The following P2RX7 variants were observed in gnomAD, a reference collection of about 807,000 sequenced individuals.
The protein encoded by P2RX7 is P2X purinoceptor 7.
Under a neutral mutation model 71.6 loss-of-function variants are expected in P2RX7, and 62 were observed. The ratio of observed to expected loss-of-function variants is 0.87; its 90% CI spans 0.71 to 1.07. P2RX7 has a LOEUF of 1.07. Among genes scored for constraint, P2RX7 ranks in the 50% least tolerant of loss-of-function variants. P2RX7 has a pLI of 0.00. For missense variants in P2RX7, 686 were observed against 748.5 expected (o/e 0.92, Z 0.97); for synonymous variants, 299 against 283.3 (o/e 1.06, Z -0.56).
intron 8 of P2RX7, among the ~76,000 whole-genome samples, chr12:121,174,427 G>A (rs1882744150): frequency 6.6e-6 from 1 of 152,098 alleles, no homozygotes. Flanking sequence ...AGGCTGAGGT[G>A]GGAGTATCAC....
intron 12 of P2RX7, among the ~76,000 whole-genome samples, chr12:121,182,035 G>A (rs1032819486): frequency 1.3e-5 from 2 of 148,466 alleles, no homozygotes; most frequent in Admixed American, 1.3e-4. Context: ...CTGCACTCTA[G>A]CCTGGGCAAC....
intron 4 of P2RX7, 103 bp downstream of exon 4, chr12:121,161,077 C>T: frequency 3.5e-6 from 3 of 859,394 alleles, no homozygotes; most frequent in Admixed American, 1.7e-5. Flanking sequence ...CTCTCAGCTG[C>T]CCTCTTCCAC....
chr12:121,157,091 G>A (rs78906567), intron 3 of P2RX7, among the ~76,000 whole-genome samples: 5,672 of 152,214 alleles, frequency 0.037, 152 homozygotes, highest in South Asian at 0.089. Context: ...CTATACCAGC[G>A]TGTTACTGCT....
At chr12:121,144,754 G>A (rs1463666121) in intron 1 of P2RX7, among the ~76,000 whole-genome samples, 1 of 152,164 alleles carries the variant, frequency 6.6e-6, no homozygotes, top group Non-Finnish European at 1.5e-5. Context: ...TAGAGGCAGA[G>A]GAGAGAAGTA....
chr12:121,160,137 TCTTC>T (rs747004833), intron 3 of P2RX7, among the ~76,000 whole-genome samples: 3 of 151,636 alleles, frequency 2.0e-5, no homozygotes, highest in East Asian at 1.9e-4. Flanking sequence ...TTTCTTTCTT[TCTTC>T]CTTCCTTCCT....
At chr12:121,160,443 C>T (rs571254185) in intron 3 of P2RX7, among the ~76,000 whole-genome samples, 1 of 152,266 alleles carries the variant, frequency 6.6e-6, no homozygotes, top group East Asian at 1.9e-4. Flanking sequence ...AGCCACGGCG[C>T]CCAGCCCCCA....
chr12:121,184,371 C>T lies in P2RX7; in HGVS notation c.1357C>T (p.Pro453Ser). The change falls in exon 13 of 13, where the codon CCT becomes TCT. Residue 453 changes from proline (P) to serine (S), a missense_variant. By Grantham distance (74) the Pro-to-Ser change is moderately conservative (BLOSUM62 -1). Coordinates refer to ENST00000328963, the MANE Select transcript of P2RX7 (RefSeq NM_002562.6). ...GGCCCTCCATGACACACCCCCGATT[C>T]CTGGACAACCAGAGGAGATACAGCT... ...PLALHDTPPI[P>S]GQPEEIQLLR... 3.1e-6 allele frequency: 5 copies of T among 1,614,128 alleles called. No individual in the cohort carries two copies. The highest frequency in any genetic ancestry group is 3.4e-6 in the Non-Finnish European group (4 of 1,180,038).
intron 4 of P2RX7, among the ~76,000 whole-genome samples, chr12:121,161,431 TTATTTA>T (rs1276554591): frequency 6.6e-6 from 1 of 152,186 alleles, no homozygotes; most frequent in Non-Finnish European, 1.5e-5. Context: ...GATTTTGATT[TTATTTA>T]TATCTAAGTG....
chr12:121,153,609 C>T (rs1482834203), intron 1 of P2RX7, among the ~76,000 whole-genome samples: 1 of 151,880 alleles, frequency 6.6e-6, no homozygotes, highest in Non-Finnish European at 1.5e-5. Flanking sequence ...ACCCGGCAGG[C>T]AGAAGTTGCA....
At chr12:121,174,375 C>T (rs563604962) in intron 8 of P2RX7, among the ~76,000 whole-genome samples, 2 of 152,076 alleles carry the variant, frequency 1.3e-5, no homozygotes, top group South Asian at 2.1e-4. Flanking sequence ...AAATTAGCCA[C>T]CTGTAGTGGT....
At chr12:121,158,895 A>G (rs1405264853) in intron 3 of P2RX7, among the ~76,000 whole-genome samples, 1 of 152,192 alleles carries the variant, frequency 6.6e-6, no homozygotes, top group Non-Finnish European at 1.5e-5. Context: ...ACTATTTGCC[A>G]GGCACTTGGG....
chr12:121,139,756 A>G (rs1420712327), intron 1 of P2RX7, among the ~76,000 whole-genome samples: 1 of 112,796 alleles, frequency 8.9e-6, no homozygotes, highest in Non-Finnish European at 1.7e-5. Flanking sequence ...TTTTTTTGAG[A>G]CAGAGTCTCC....
At position 121,175,375 on chromosome 12, in the gene P2RX7, T is replaced by C; in HGVS notation, c.882-13T>C. ...AAGGGATCTTACAAATACAGATCCT[T>C]TTCTTCCTACAGATACGCCAAGTAC... On this transcript the variant is annotated splice_polypyrimidine_tract_variant and intron_variant, in intron 8 of 12. Coordinates refer to ENST00000328963, the MANE Select transcript of P2RX7 (RefSeq NM_002562.6). 2 of 1,575,552 alleles carry C rather than the reference T, an allele frequency of 1.3e-6. No homozygotes were observed. Among genetic ancestry groups the C allele is most frequent in the Non-Finnish European group, 1.7e-6 (2 of 1,147,318 alleles).
At chr12:121,140,111 C>CTAGA (rs1284863030) in intron 1 of P2RX7, among the ~76,000 whole-genome samples, 1 of 152,148 alleles carries the variant, frequency 6.6e-6, no homozygotes, top group African/African-American at 2.4e-5. Flanking sequence ...GGGTGATGTG[C>CTAGA]TAGAGCTTGA....
At chr12:121,135,235 A>G (rs1389685689) in intron 1 of P2RX7, among the ~76,000 whole-genome samples, 3 of 152,120 alleles carry the variant, frequency 2.0e-5, no homozygotes, top group Non-Finnish European at 2.9e-5. Context: ...GCTACTAGGG[A>G]GGCTGAGGCA....
intron 1 of P2RX7, among the ~76,000 whole-genome samples, chr12:121,136,972 T>C (rs1376221852): frequency 1.3e-5 from 2 of 152,172 alleles, no homozygotes; most frequent in African/African-American, 4.8e-5. Flanking sequence ...GATTATTGTA[T>C]AATAATAAAA....
intron 8 of P2RX7, among the ~76,000 whole-genome samples, chr12:121,169,917 C>T (rs1881833631): frequency 6.6e-6 from 1 of 152,040 alleles, no homozygotes; most frequent in Admixed American, 6.6e-5. Context: ...TACATGGTGG[C>T]CACTGGCTGG....
intron 5 of P2RX7, among the ~76,000 whole-genome samples, chr12:121,162,910 G>A (rs2567981): frequency 1.2e-4 from 19 of 152,006 alleles, no homozygotes; most frequent in Non-Finnish European, 2.5e-4. Flanking sequence ...GGAGATGGAA[G>A]GGAAGGACGA....
chr12:121,183,195 T>C (rs1884417533), intron 12 of P2RX7, among the ~76,000 whole-genome samples: 1 of 148,500 alleles, frequency 6.7e-6, no homozygotes, highest in Admixed American at 6.7e-5. Flanking sequence ...AAAAATTCTT[T>C]CTCTATATCC....
Sources: gnomAD v4.1 joint callset for allele counts (sites outside exome capture counted in the v4.1 genomes callset) on GRCh38, gnomAD v4.1.1 for gene constraint, MANE v1.5 for transcripts, NCBI Gene and HGNC (gene_info 2026-07-23, HGNC 2026-07-21) for gene names.